A4GALT: variants seen among roughly 807,000 people sequenced by gnomAD.
A4GALT encodes the protein lactosylceramide 4-alpha-galactosyltransferase.
For missense variants in A4GALT, 512 were observed against 486.0 expected (o/e 1.05, Z -0.50); for synonymous variants, 257 against 220.7 (o/e 1.16, Z -1.46).
At position 42,692,915 on chromosome 22, in the gene A4GALT, T is replaced by A. The variant is rs765779715; in HGVS notation, c.1037A>T (p.His346Leu). ...TCACAAGTACATTTTCATGGCCTCG[T>A]GCGTCGTGGGGCAGTAGCGGGCATG... is the stretch of plus-strand genomic sequence containing the variant. ...QLHARYCPTTHEAMKMYL is the reference protein window; with the variant it reads ...QLHARYCPTTLEAMKMYL Residue 346 changes from histidine to leucine, a missense_variant, in exon 3 of 3, where the codon CAC becomes CTC. His to Leu is a moderately conservative substitution (Grantham distance 99). Transcript: ENST00000642412. The surrounding 1 kb of genome is among the most constrained non-coding windows in gnomAD (Gnocchi z 4.6). 6.2e-7 allele frequency: 1 copy of A among 1,606,006 alleles called. No individual in the cohort carries two copies. The highest frequency in any genetic ancestry group is 1.3e-5 in the African/African-American group (1 of 75,052).
At chr22:42,707,955 CA>C (rs754976957) in intron 1 of A4GALT, among the ~76,000 whole-genome samples, 90 of 106,064 alleles carry the variant, frequency 8.5e-4, no homozygotes, top group African/African-American at 1.3e-3. Context: ...ACTGTCACTA[CA>C]AAAAAAAAAA....
intron 1 of A4GALT, among the ~76,000 whole-genome samples, chr22:42,700,702 C>T (rs974088353): frequency 2.0e-5 from 3 of 152,324 alleles, no homozygotes; most frequent in South Asian, 2.1e-4. Flanking sequence ...TGCTCCTCCT[C>T]GGAGCCTCAG....
At chr22:42,716,409 G>A (rs1346152143) in intron 1 of A4GALT, among the ~76,000 whole-genome samples, 1 of 152,176 alleles carries the variant, frequency 6.6e-6, no homozygotes, top group African/African-American at 2.4e-5. Context: ...TGGTTTAATA[G>A]TAACAATGGC....
At position 42,692,914 on chromosome 22, in the gene A4GALT, G is replaced by A. The variant is rs565150703; in HGVS notation, c.1038C>T (p.His346=). 1.1e-5 allele frequency: 17 copies of A among 1,605,606 alleles called. No homozygotes were observed. Among genetic ancestry groups the A allele is most frequent in the Non-Finnish European group, 1.4e-5 (17 of 1,179,854 alleles). ...CTCACAAGTACATTTTCATGGCCTCGTGCGTCGTGGGGCAGTAGCGGGCAT... is the reference window on the plus strand; with the variant it reads ...CTCACAAGTACATTTTCATGGCCTCATGCGTCGTGGGGCAGTAGCGGGCAT... ...QLHARYCPTT[H]EAMKMYL Residue 346 remains histidine (H), a synonymous_variant, in exon 3 of 3, where the codon CAC becomes CAT. Coordinates refer to ENST00000642412, the MANE Select transcript of A4GALT (RefSeq NM_017436.7). The surrounding 1 kb of genome is among the most constrained non-coding windows in gnomAD (Gnocchi z 4.6).
At chr22:42,700,888 G>A (rs1441928059) in intron 1 of A4GALT, among the ~76,000 whole-genome samples, 2 of 152,210 alleles carry the variant, frequency 1.3e-5, no homozygotes, top group African/African-American at 4.8e-5. Context: ...AGTCTCTGAT[G>A]GGGCTGGAAG....
intron 1 of A4GALT, among the ~76,000 whole-genome samples, chr22:42,697,111 T>C (rs1298559563): frequency 6.6e-6 from 1 of 152,158 alleles, no homozygotes; most frequent in East Asian, 1.9e-4. Flanking sequence ...TCTGAAATGG[T>C]AGAACGGTGT....
At chr22:42,718,356 G>A (rs1011276352) in intron 1 of A4GALT, 5 of 152,212 alleles carry the variant, frequency 3.3e-5, no homozygotes, top group African/African-American at 1.2e-4. Context: ...CTGCCTCCCA[G>A]GTTCAAATGA....
At position 42,715,585 on chromosome 22, in the gene A4GALT, G is replaced by A. The variant is rs1922100444; in HGVS notation, c.-188+5212C>T. 2.0e-5 allele frequency among the ~76,000 whole-genome samples: 3 copies of A among 151,882 alleles called. No homozygotes were observed. In the South Asian group the frequency reaches 6.2e-4, roughly 32 times the overall value. Reference sequence around the variant, plus strand: ...AAAAATTAGCAGGGAATGGTGGAGGGTGCCTGTGGTCCCAGCTACTCAGGA... The same window carrying A: ...AAAAATTAGCAGGGAATGGTGGAGGATGCCTGTGGTCCCAGCTACTCAGGA... On this transcript the variant is annotated intron_variant, in intron 1 of 2. Transcript: ENST00000642412.
intron 1 of A4GALT, among the ~76,000 whole-genome samples, chr22:42,709,068 T>TA (rs1491586642): frequency 1.5e-3 from 62 of 41,370 alleles, no homozygotes; most frequent in African/African-American, 2.4e-3. Flanking sequence ...TATATATATA[T>TA]TTTTTTTAAG....
chr22:42,714,660 T>C (rs765149155), intron 1 of A4GALT, among the ~76,000 whole-genome samples: 80 of 151,722 alleles, frequency 5.3e-4, no homozygotes, highest in Non-Finnish European at 9.7e-4. Flanking sequence ...CCTGTAATCC[T>C]AGCCACTCGG....
At chr22:42,697,286 G>C (rs953098445) in intron 1 of A4GALT, among the ~76,000 whole-genome samples, 1 of 114,920 alleles carries the variant, frequency 8.7e-6, no homozygotes, top group Admixed American at 9.1e-5. Flanking sequence ...GGGCCAGTGC[G>C]AAAGGTGGGG....
At chr22:42,717,595 C>T (rs375329018) in intron 1 of A4GALT, among the ~76,000 whole-genome samples, 10 of 152,322 alleles carry the variant, frequency 6.6e-5, no homozygotes, top group African/African-American at 2.4e-4. Flanking sequence ...CAACCTGTCC[C>T]TCCTTCTCCT....
intron 1 of A4GALT, among the ~76,000 whole-genome samples, chr22:42,714,588 C>G (rs1922001430): frequency 6.6e-6 from 1 of 151,640 alleles, no homozygotes; most frequent in Admixed American, 6.6e-5. Context: ...TCAACCTAGC[C>G]AACATGGTGA....
chr22:42,703,106 CTGTGTGTGTG>C (rs3985930), intron 1 of A4GALT, among the ~76,000 whole-genome samples: 1,842 of 134,094 alleles, frequency 0.014, 24 homozygotes, highest in Non-Finnish European at 0.014. Flanking sequence ...TGCTGCCCCA[CTGTGTGTGTG>C]TGTGTGTGTG....
Position 42,702,080 on chromosome 22 carries a change from C to G in A4GALT, c.-187-6449G>C, listed in dbSNP as rs575779224. ...TTGTCCCTCCCCTCTTTCTCTCCCTCCTGCCACTCCAGGTTGGTGTCTCTC... is the reference window on the plus strand; with the variant it reads ...TTGTCCCTCCCCTCTTTCTCTCCCTGCTGCCACTCCAGGTTGGTGTCTCTC... On this transcript the variant is annotated intron_variant, in intron 1 of 2. Coordinates refer to ENST00000642412, the MANE Select transcript of A4GALT (RefSeq NM_017436.7). 2.2e-4 allele frequency among the ~76,000 whole-genome samples: 34 copies of G among 152,284 alleles called. 2 individuals carry two copies. In the South Asian group the frequency reaches 6.8e-3, roughly 31 times the overall value.
chr22:42,692,282 C>A lies in A4GALT; in HGVS notation c.*608G>T, dbSNP rs1930488216. On this transcript the variant is annotated 3_prime_UTR_variant, in exon 3 of 3. Transcript: ENST00000642412. This position sits in a 1 kb window ranked among gnomAD's most constrained non-coding sequence, Gnocchi z 4.6. Reference sequence around the variant, plus strand: ...GAGCATACACGCCCCCCTGGCATCTCTGGAGAGGAAGAAGGATGGGGTGGG... The same window carrying A: ...GAGCATACACGCCCCCCTGGCATCTATGGAGAGGAAGAAGGATGGGGTGGG... 1 of 248,698 alleles carries A rather than the reference C, an allele frequency of 4.0e-6. No individual in the cohort carries two copies. The highest frequency in any genetic ancestry group is 8.0e-6 in the Non-Finnish European group (1 of 125,646). The allele number at this position is 248,698 out of a possible 1,614,324, so 15.4% of individuals were successfully genotyped here. A position where few individuals can be genotyped will look rare whatever the true frequency, so the allele number is the denominator to read the frequency against.
chr22:42,710,207 G>A (rs1397029778), intron 1 of A4GALT, among the ~76,000 whole-genome samples: 1 of 152,122 alleles, frequency 6.6e-6, no homozygotes, highest in East Asian at 1.9e-4. Flanking sequence ...TAAAACTATT[G>A]CTATTTTCAT....
chr22:42,703,057 C>CTCTGTGTGTGTGTGTGTGTGTGTGTGTG lies in A4GALT; in HGVS notation c.-187-7427_-187-7426insCACACACACACACACACACACACACAGA, dbSNP rs753250465. The stretch of plus-strand genomic sequence containing the variant: ...GCCTTGGCTGGCACATGCTGCCCTG[C>CTCTGTGTGTGTGTGTGTGTGTGTGTGTG]TGTGTGTGTGTGTGTGTGTGTGTGT... On this transcript the variant is annotated intron_variant, in intron 1 of 2. Transcript: ENST00000642412. 1.5e-5 allele frequency among the ~76,000 whole-genome samples: 2 copies of CTCTGTGTGTGTGTGTGTGTGTGTGTGTG among 134,340 alleles called. 1 individual carries two copies. Among genetic ancestry groups the CTCTGTGTGTGTGTGTGTGTGTGTGTGTG allele is most frequent in the African/African-American group, 6.5e-5 (2 of 30,936 alleles). 88.1% of individuals were successfully genotyped at this position (134,340 alleles called of 152,430 possible). A position where few individuals can be genotyped will look rare whatever the true frequency, so the allele number is the denominator to read the frequency against.
intron 1 of A4GALT, among the ~76,000 whole-genome samples, chr22:42,701,947 T>C (rs906480986): frequency 6.6e-6 from 1 of 152,162 alleles, no homozygotes; most frequent in Non-Finnish European, 1.5e-5. Context: ...GAGGAAAGGA[T>C]AGCCCAGAAG....
Sources: allele counts gnomAD v4.1 joint callset (sites outside exome capture counted in the v4.1 genomes callset), GRCh38; gene constraint gnomAD v4.1.1; non-coding constraint Gnocchi (gnomAD v3.1); transcripts MANE v1.5; gene names NCBI Gene and HGNC (gene_info 2026-07-23, HGNC 2026-07-21).